Variants in COL16A1 observed in about 807,000 individuals in gnomAD.
The protein encoded by COL16A1 is collagen alpha-1(XVI) chain.
Under a neutral mutation model 266.3 loss-of-function variants are expected in COL16A1, and 189 were observed. That is an observed-to-expected ratio of 0.71 (90% CI 0.63 to 0.80). The LOEUF (loss-of-function observed/expected upper bound fraction) is 0.80. Among genes scored for constraint, COL16A1 ranks in the 30% least tolerant of loss-of-function variants. The probability of loss-of-function intolerance (pLI) is 0.00; values close to 1 mark genes in which losing one functional copy is unlikely to be tolerated. For missense variants in COL16A1, 1,928 were observed against 2,122.4 expected (o/e 0.91, Z 1.80); for synonymous variants, 740 against 782.3 (o/e 0.95, Z 0.90).
At chr1:31,669,244 G>A (rs1401894100) in intron 49 of COL16A1, among the ~76,000 whole-genome samples, 1 of 152,028 alleles carries the variant, frequency 6.6e-6, no homozygotes, top group Admixed American at 6.5e-5. Flanking sequence ...CAACTGTCAG[G>A]AGAGGTACCC....
chr1:31,684,760 G>A, intron 30 of COL16A1, 61 bp downstream of exon 30: 1 of 1,613,394 alleles, frequency 6.2e-7, no homozygotes, highest in East Asian at 2.2e-5. Context: ...AGGAAAATGA[G>A]GCAAGGAGGG....
Position 31,656,557 on chromosome 1 carries a change from CAG to C in COL16A1, c.4057-115_4057-114del. ...ACAGCCTGAGGCCCCCAGGTGTGTC[CAG>C]CCCAGCTCTGTGTGAGAAAGGAGCG... is the stretch of plus-strand genomic sequence containing the variant. On this transcript the variant is annotated intron_variant, in intron 65 of 70. Coordinates refer to ENST00000373672, the MANE Select transcript of COL16A1 (RefSeq NM_001856.4). The surrounding 1 kb of genome is among the most constrained non-coding windows in gnomAD (Gnocchi z 4.2). 6.7e-7 allele frequency: 1 copy of C among 1,481,786 alleles called. No individual in the cohort carries two copies. The highest frequency in any genetic ancestry group is 9.0e-7 in the Non-Finnish European group (1 of 1,109,720). 91.8% of individuals were successfully genotyped at this position (1,481,786 alleles called of 1,614,324 possible).
rs1325628588 is a variant in COL16A1 at position 31,685,748 on chromosome 1, G to A, written c.1907C>T (p.Pro636Leu). The A allele has an allele frequency of 6.2e-7, 1 of 1,613,936 alleles. No homozygotes were observed. Among genetic ancestry groups the A allele is most frequent in the East Asian group, 2.2e-5 (1 of 44,874 alleles). ...GAKGEPCEPC[P>L]ALSNLQDGDV... ...CCCATCCTGAAGGTTGGACAGGGCT[G>A]GGCACGGCTCACAGGGCTCCCCCTG... The change falls in exon 29 of 71, where the codon CCA (proline) becomes CTA (leucine). Residue 636 changes from proline to leucine, a missense_variant. Pro to Leu is a moderately conservative substitution (Grantham distance 98). Around this residue, in one of 2 missense-constraint regions of COL16A1, gnomAD observed 1,552 missense variants for 1,637.2 expected, o/e 0.95. Coordinates refer to ENST00000373672, the MANE Select transcript of COL16A1 (RefSeq NM_001856.4). The surrounding 1 kb of genome is among the most constrained non-coding windows in gnomAD (Gnocchi z 4.0).
Position 31,656,808 on chromosome 1 carries a change from A to G in COL16A1, c.4056+225T>C, listed in dbSNP as rs2148653344. On this transcript the variant is annotated intron_variant, in intron 65 of 70. Coordinates refer to ENST00000373672, the MANE Select transcript of COL16A1 (RefSeq NM_001856.4). This position sits in a 1 kb window ranked among gnomAD's most constrained non-coding sequence, Gnocchi z 4.2. ...TTGTTGTTGTTGTTGTTTCTTTTTG[A>G]CCAGGTACAGGGTTTAAAAAAAAAA... 1 of 557,962 alleles carries G rather than the reference A, an allele frequency of 1.8e-6. No homozygotes were observed. Among genetic ancestry groups the G allele is most frequent in the African/African-American group, 2.0e-5 (1 of 50,716 alleles). 34.6% of individuals were successfully genotyped at this position (557,962 alleles called of 1,614,324 possible). A position where few individuals can be genotyped will look rare whatever the true frequency, so the allele number is the denominator to read the frequency against.
rs1570376895 is a variant in COL16A1 at position 31,662,585 on chromosome 1, A to T, written c.3627+2T>A. ...TGCCACGCTGAAAGGGCACACACTC[A>T]CCTGAATCCCAGGAGGTCCCGGTGG... is the stretch of plus-strand genomic sequence containing the variant. On this transcript the variant is annotated splice_donor_variant, in intron 57 of 70. Transcript: ENST00000373672. LOFTEE classifies it high-confidence loss of function. 1 of 1,561,864 alleles carries T rather than the reference A, an allele frequency of 6.4e-7. No individual in the cohort carries two copies. The highest frequency in any genetic ancestry group is 8.7e-7 in the Non-Finnish European group (1 of 1,154,446).
intron 16 of COL16A1, 103 bp downstream of exon 16, chr1:31,692,371 C>T: frequency 6.7e-7 from 1 of 1,488,688 alleles, no homozygotes; most frequent in South Asian, 1.4e-5. Flanking sequence ...AGCTCTGTGC[C>T]CACTGACACC....
At chr1:31,673,701 C>T (rs1484431958) in intron 44 of COL16A1, among the ~76,000 whole-genome samples, 1 of 152,254 alleles carries the variant, frequency 6.6e-6, no homozygotes, top group Non-Finnish European at 1.5e-5. Context: ...GGAAAGCCCA[C>T]TCAAGAGAGG....
intron 44 of COL16A1, among the ~76,000 whole-genome samples, chr1:31,674,599 T>C (rs1643019151): frequency 6.6e-6 from 1 of 152,240 alleles, no homozygotes; most frequent in Admixed American, 6.5e-5. Flanking sequence ...AGAGAACAGC[T>C]GAAGCTTTCT....
At chr1:31,681,935 T>C (rs544979858) in intron 37 of COL16A1, among the ~76,000 whole-genome samples, 4 of 152,362 alleles carry the variant, frequency 2.6e-5, no homozygotes, top group Admixed American at 2.6e-4. Context: ...TGGACGTTGG[T>C]GCACTCTCCT....
At chr1:31,693,045 G>T in intron 13 of COL16A1, 47 bp downstream of exon 13, 1 of 1,280,734 alleles carries the variant, frequency 7.8e-7, no homozygotes, top group South Asian at 1.2e-5. Context: ...CTCACCCCAG[G>T]GCACAGCTGG....
rs1306656271 is a variant in COL16A1 at position 31,699,853 on chromosome 1, T to G, written c.226A>C (p.Ile76Leu). The G allele has an allele frequency of 6.2e-7, 1 of 1,613,816 alleles. No homozygotes were observed. The highest frequency in any genetic ancestry group is 1.1e-5 in the South Asian group (1 of 91,070). ...KKIRNPKGPL[I>L]LRLGAAPVTQ... Reference sequence around the variant, plus strand: ...ACGGGGGCCGCCCCCAGGCGCAGGATGAGAGGCCCCTTGGGGTTGCGGATC... The same window carrying G: ...ACGGGGGCCGCCCCCAGGCGCAGGAGGAGAGGCCCCTTGGGGTTGCGGATC... The change falls in exon 4 of 71, where the codon ATC (isoleucine) becomes CTC (leucine). Residue 76 changes from isoleucine (I) to leucine (L), a missense_variant. Physicochemically the swap from Ile to Leu is conservative, Grantham distance 5. This residue lies in a region of COL16A1 where 1,552 missense variants were observed against 1,637.2 expected (regional missense o/e 0.95). Transcript: ENST00000373672.
At chr1:31,658,186 C>T (rs941203844) in intron 64 of COL16A1, among the ~76,000 whole-genome samples, 1 of 152,212 alleles carries the variant, frequency 6.6e-6, no homozygotes, top group Non-Finnish European at 1.5e-5. Context: ...TCTGTGGTTA[C>T]TGACAAGCTC....
Position 31,665,193 on chromosome 1 carries a change from T to A in COL16A1, c.3534A>T (p.Pro1178=). 6.2e-7 allele frequency: 1 copy of A among 1,603,290 alleles called. No homozygotes were observed. The highest frequency in any genetic ancestry group is 1.1e-5 in the South Asian group (1 of 89,134). Residue 1178 remains proline (P), a synonymous_variant, in exon 56 of 71, where the codon CCA becomes CCT. Transcript: ENST00000373672. ...TCACCTTCTCTGCTTGAGGGCCAGG[T>A]GGGCCAGGTGATCCAACTTTGCCTG... is the stretch of plus-strand genomic sequence containing the variant. ...GFPGKVGSPG[P]PGPQAEKGSE... is the part of the protein sequence containing the mutation.
rs1641144989 is a variant in COL16A1 at position 31,656,358 on chromosome 1, C to T, written c.4101+42G>A. 2.5e-6 allele frequency: 4 copies of T among 1,610,310 alleles called. No individual in the cohort carries two copies. Among genetic ancestry groups the T allele is most frequent in the Non-Finnish European group, 3.4e-6 (4 of 1,178,488 alleles). On this transcript the variant is annotated intron_variant, in intron 66 of 70. Transcript: ENST00000373672. The surrounding 1 kb of genome is among the most constrained non-coding windows in gnomAD (Gnocchi z 4.2). Reference sequence around the variant, plus strand: ...GTAACTTGCAGCTGGGCTTCATCCACTCGTGAGCTTCTCCTCTCAAGCCCA... The same window carrying T: ...GTAACTTGCAGCTGGGCTTCATCCATTCGTGAGCTTCTCCTCTCAAGCCCA...
intron 52 of COL16A1, 66 bp downstream of exon 52, chr1:31,667,509 C>T (rs1642237839): frequency 2.9e-6 from 4 of 1,400,734 alleles, no homozygotes; most frequent in Non-Finnish European, 3.9e-6. Context: ...GCTGCCAAGT[C>T]TCCAGCCCGA....
intron 37 of COL16A1, 90 bp from the exon 38 acceptor site, chr1:31,681,157 A>C (rs1389702562): frequency 2.7e-5 from 40 of 1,495,848 alleles, no homozygotes; most frequent in Non-Finnish European, 3.5e-5. Context: ...GGACAAACAG[A>C]AGCAGCGCCA....
At chr1:31,690,331 C>A (rs750045850) in intron 22 of COL16A1, 36 bp downstream of exon 22, 8 of 1,612,756 alleles carry the variant, frequency 5.0e-6, no homozygotes, top group Non-Finnish European at 6.8e-6. Flanking sequence ...GGGTCCCGTT[C>A]CCACCCCGAT....
chr1:31,672,111 A>C (rs1642767516), intron 47 of COL16A1, among the ~76,000 whole-genome samples: 1 of 152,144 alleles, frequency 6.6e-6, no homozygotes, highest in Non-Finnish European at 1.5e-5. Flanking sequence ...TGTGGAGTTC[A>C]ATTTTAAAGA....
rs373320217 is a variant in COL16A1, at chr1:31,684,512, G to A, written c.2160+11C>T. 1.5e-5 allele frequency: 24 copies of A among 1,608,040 alleles called. No individual in the cohort carries two copies. Among genetic ancestry groups the A allele is most frequent in the African/African-American group, 9.4e-5 (7 of 74,630 alleles). On this transcript the variant is annotated intron_variant, in intron 31 of 70. Transcript: ENST00000373672. The stretch of plus-strand genomic sequence containing the variant: ...CAAACTCCCCGACCCCAACCACCCC[G>A]CCTGACTAACCTTTTCTCCTTTTGG...
Sources: allele counts gnomAD v4.1 joint callset (sites outside exome capture counted in the v4.1 genomes callset), GRCh38; gene constraint gnomAD v4.1.1; regional missense constraint gnomAD v4.1.1; non-coding constraint Gnocchi (gnomAD v3.1); transcripts MANE v1.5; gene names NCBI Gene and HGNC (gene_info 2026-07-23, HGNC 2026-07-21).